FHAD1: variants seen among roughly 807,000 people sequenced by gnomAD.
FHAD1 encodes the protein forkhead associated phosphopeptide binding domain 1, also known as forkhead-associated domain-containing protein 1.
A neutral mutation model predicts 191.3 loss-of-function variants in FHAD1; 146 were observed. The ratio of observed to expected loss-of-function variants is 0.76; its 90% confidence interval spans 0.67 to 0.88. The LOEUF is 0.88. Ranked by LOEUF, FHAD1 falls within the 40% of genes least tolerant of loss-of-function variation. The pLI, the probability that FHAD1 is intolerant of heterozygous loss-of-function variation, is 0.00. For synonymous variants in FHAD1, 616 were observed against 672.3 expected (o/e 0.92, Z 1.29); for missense variants, 1,635 against 1,785.8 (o/e 0.92, Z 1.52).
At chr1:15,309,268 T>A (rs371644020) in intron 7 of FHAD1, among the ~76,000 whole-genome samples, 315 of 152,324 alleles carry the variant, frequency 2.1e-3, no homozygotes, top group African/African-American at 7.1e-3. Context: ...CAGGCACAGC[T>A]GTTTCTTAGC....
chr1:15,355,137 A>C (rs35557392), intron 20 of FHAD1, among the ~76,000 whole-genome samples: 54,333 of 151,382 alleles, frequency 0.36, 11,066 homozygotes, highest in South Asian at 0.48. Context: ...TGAACCCGGG[A>C]GGCAGAGGTT....
rs748609960 is a variant in FHAD1, at chr1:15,316,173, C to T, written c.1171-205C>T. On this transcript the variant is annotated intron_variant, in intron 8 of 33. Coordinates refer to ENST00000688493, the MANE Select transcript of FHAD1 (RefSeq NM_001391957.1). This position sits in a 1 kb window ranked among gnomAD's most constrained non-coding sequence, Gnocchi z 4.3. ...AGTAGTGGCTTTATTCCTCTGATTTCCTGAGTGGAGAAGCAGGAACAGCTT... is the reference window on the plus strand; with the variant it reads ...AGTAGTGGCTTTATTCCTCTGATTTTCTGAGTGGAGAAGCAGGAACAGCTT... 3.9e-5 allele frequency among the ~76,000 whole-genome samples: 6 copies of T among 152,238 alleles called. No homozygotes were observed. The highest frequency in any genetic ancestry group is 4.4e-5 in the Non-Finnish European group (3 of 68,040).
chr1:15,285,026 C>G (rs1661946073), intron 3 of FHAD1, among the ~76,000 whole-genome samples: 1 of 152,236 alleles, frequency 6.6e-6, no homozygotes, highest in Non-Finnish European at 1.5e-5. Flanking sequence ...TGATCCCAAA[C>G]TCTATGTACA....
intron 26 of FHAD1, among the ~76,000 whole-genome samples, chr1:15,372,147 G>A (rs1350613314): frequency 6.6e-6 from 1 of 151,794 alleles, no homozygotes; most frequent in Non-Finnish European, 1.5e-5. Flanking sequence ...GGGTGGTCAG[G>A]TGATCAGGTG....
intron 4 of FHAD1, among the ~76,000 whole-genome samples, chr1:15,292,489 A>G (rs984374153): frequency 1.3e-5 from 2 of 152,110 alleles, no homozygotes; most frequent in East Asian, 3.9e-4. Context: ...GCCCGCCACC[A>G]CGCCCAGCTA....
chr1:15,251,798 T>C lies in FHAD1; in HGVS notation c.14T>C (p.Leu5Pro). 1 of 1,552,046 alleles carries C rather than the reference T, an allele frequency of 6.4e-7. No individual in the cohort carries two copies. Among genetic ancestry groups the C allele is most frequent in the Non-Finnish European group, 8.7e-7 (1 of 1,147,064 alleles). MKAY[L>P]KSAEGFFVLN... is the part of the protein sequence containing the mutation. The stretch of plus-strand genomic sequence containing the variant: ...AAAACAGAGAGGATGAAGGCCTATC[T>C]AAAGAGCGCAGAAGGCTTTTTTGTC... The change falls in exon 2 of 34, where the codon CTA becomes CCA. Residue 5 changes from leucine to proline, a missense_variant. Coordinates refer to ENST00000688493, the MANE Select transcript of FHAD1 (RefSeq NM_001391957.1).
At chr1:15,385,983 A>T (rs950508427) in intron 31 of FHAD1, among the ~76,000 whole-genome samples, 4 of 152,162 alleles carry the variant, frequency 2.6e-5, no homozygotes, top group African/African-American at 9.7e-5. Context: ...TGCCCAATCT[A>T]GTCCACTTCC....
At chr1:15,271,331 CTT>C (rs1273381626) in intron 2 of FHAD1, among the ~76,000 whole-genome samples, 1 of 152,102 alleles carries the variant, frequency 6.6e-6, no homozygotes, top group African/African-American at 2.4e-5. Flanking sequence ...AAGACGAAGA[CTT>C]CAGTGTGCCC....
At chr1:15,372,731 A>G (rs1170296750) in intron 26 of FHAD1, among the ~76,000 whole-genome samples, 1 of 152,258 alleles carries the variant, frequency 6.6e-6, no homozygotes, top group Non-Finnish European at 1.5e-5. Context: ...CAAAACTGGT[A>G]TTTTAAAAAG....
intron 9 of FHAD1, 39 bp from the exon 10 acceptor site, chr1:15,317,785 C>A (rs901349261): frequency 1.4e-6 from 2 of 1,432,812 alleles, no homozygotes; most frequent in African/African-American, 2.8e-5. Flanking sequence ...CAGCTCCTGC[C>A]CCCATCAGGG....
At chr1:15,280,433 G>C (rs1334309211) in intron 3 of FHAD1, among the ~76,000 whole-genome samples, 1 of 152,106 alleles carries the variant, frequency 6.6e-6, no homozygotes, top group African/African-American at 2.4e-5. Flanking sequence ...GACAGCCTCA[G>C]GCACAATGTC....
intron 22 of FHAD1, among the ~76,000 whole-genome samples, chr1:15,360,987 G>A (rs1020062220): frequency 5.9e-5 from 9 of 152,298 alleles, no homozygotes; most frequent in Middle Eastern, 3.4e-3. Flanking sequence ...CGAGGGCAGC[G>A]CGAAGTGGAA....
At chr1:15,304,133 A>G (rs1334234200) in intron 6 of FHAD1, among the ~76,000 whole-genome samples, 1 of 152,260 alleles carries the variant, frequency 6.6e-6, no homozygotes, top group Non-Finnish European at 1.5e-5. Flanking sequence ...AAGTGTGTGC[A>G]TAACGATTTG....
chr1:15,252,684 T>C (rs1317233113), intron 2 of FHAD1, among the ~76,000 whole-genome samples: 2 of 152,136 alleles, frequency 1.3e-5, no homozygotes, highest in African/African-American at 4.8e-5. Flanking sequence ...GGGCTAGACC[T>C]CTCTTCCTTT....
At chr1:15,282,709 T>A (rs1661042302) in intron 3 of FHAD1, among the ~76,000 whole-genome samples, 1 of 152,230 alleles carries the variant, frequency 6.6e-6, no homozygotes, top group African/African-American at 2.4e-5. Context: ...CATAATGTGA[T>A]GGCTACAGAC....
intron 4 of FHAD1, among the ~76,000 whole-genome samples, chr1:15,293,007 T>C (rs545605212): frequency 1.5e-4 from 23 of 152,234 alleles, no homozygotes; most frequent in Non-Finnish European, 3.4e-4. Flanking sequence ...TATTTTGTTA[T>C]GGCAACCTGA....
chr1:15,316,179 T>C lies in FHAD1; in HGVS notation c.1171-199T>C, dbSNP rs551667495. Among the ~76,000 whole-genome samples, 9 of 152,320 alleles carry C rather than the reference T, an allele frequency of 5.9e-5. No individual in the cohort carries two copies. The highest frequency in any genetic ancestry group is 1.9e-4 in the African/African-American group (8 of 41,568). ...GGCTTTATTCCTCTGATTTCCTGAG[T>C]GGAGAAGCAGGAACAGCTTTGGGAT... On this transcript the variant is annotated intron_variant, in intron 8 of 33. Transcript: ENST00000688493. The surrounding 1 kb of genome is among the most constrained non-coding windows in gnomAD (Gnocchi z 4.3).
At chr1:15,370,257 G>T (rs1052415386) in intron 26 of FHAD1, among the ~76,000 whole-genome samples, 9 of 152,194 alleles carry the variant, frequency 5.9e-5, no homozygotes, top group Non-Finnish European at 1.3e-4. Context: ...GATTACAAGT[G>T]TGAGCCACCA....
rs1256775542 is a variant in FHAD1 at position 15,348,946 on chromosome 1, T to TA, written c.2347-95dup. The stretch of plus-strand genomic sequence containing the variant: ...ATAGCCGCCCCAACACTTTGGCTGT[T>TA]ATTGTTACTATTATTATTATTATTA... On this transcript the variant is annotated intron_variant, in intron 18 of 33. Coordinates refer to ENST00000688493, the MANE Select transcript of FHAD1 (RefSeq NM_001391957.1). 3.5e-6 allele frequency: 3 copies of TA among 846,252 alleles called. No homozygotes were observed. In the African/African-American group the frequency reaches 5.2e-5, roughly 15 times the overall value. The allele number at this position is 846,252 out of a possible 1,614,324, so 52.4% of individuals were successfully genotyped here. A position where few individuals can be genotyped will look rare whatever the true frequency, so the allele number is the denominator to read the frequency against.
Sources: gnomAD v4.1 joint callset for allele counts (sites outside exome capture counted in the v4.1 genomes callset) on GRCh38, gnomAD v4.1.1 for gene constraint, Gnocchi (gnomAD v3.1) non-coding constraint, MANE v1.5 for transcripts, NCBI Gene and HGNC (gene_info 2026-07-23, HGNC 2026-07-21) for gene names.